The following DOCK1 variants were observed in gnomAD, a reference collection of about 807,000 sequenced individuals.
DOCK1 encodes the protein dedicator of cytokinesis 1.
In DOCK1, 138 loss-of-function variants were observed where a neutral mutation model predicts 262.7. The ratio of observed to expected loss-of-function variants is 0.53; its 90% CI spans 0.46 to 0.61. DOCK1 has a LOEUF of 0.61. Among genes scored for constraint, DOCK1 ranks in the 20% least tolerant of loss-of-function variants. The pLI is 0.00. For missense variants in DOCK1, 1,908 were observed against 2,370.7 expected (o/e 0.80, Z 4.05); for synonymous variants, 866 against 867.4 (o/e 1.00, Z 0.03).
At chr10:127,361,106 CTTTTTTTTTT>C (rs1175942298) in intron 32 of DOCK1, among the ~76,000 whole-genome samples, 1 of 87,432 alleles carries the variant, frequency 1.1e-5, no homozygotes, top group East Asian at 3.7e-4. Flanking sequence ...TAAAGTAGTT[CTTTTTTTTTT>C]TTTTTTTTTT....
chr10:127,187,779 A>G (rs994582085), intron 27 of DOCK1, among the ~76,000 whole-genome samples: 5 of 151,726 alleles, frequency 3.3e-5, no homozygotes, highest in Non-Finnish European at 7.4e-5. Context: ...AAGAGAGAGA[A>G]AAGCAAGCAA....
chr10:127,444,851 C>A (rs542837500), intron 50 of DOCK1, among the ~76,000 whole-genome samples: 1 of 152,060 alleles, frequency 6.6e-6, no homozygotes, highest in African/African-American at 2.4e-5. Flanking sequence ...TGTCCCGGGC[C>A]TCCCTCCAGC....
At chr10:127,135,252 C>T (rs1440516492) in intron 27 of DOCK1, among the ~76,000 whole-genome samples, 1 of 152,338 alleles carries the variant, frequency 6.6e-6, no homozygotes, top group East Asian at 1.9e-4. Flanking sequence ...CTTCCCTCCC[C>T]AAGCCAGGCC....
chr10:127,360,816 T>G (rs1354960341), intron 32 of DOCK1, among the ~76,000 whole-genome samples: 1 of 152,116 alleles, frequency 6.6e-6, no homozygotes, highest in Non-Finnish European at 1.5e-5. Context: ...CAGACCCAGG[T>G]TCAAATCCTG....
chr10:127,152,157 A>G (rs959231854), intron 27 of DOCK1, among the ~76,000 whole-genome samples: 3 of 152,164 alleles, frequency 2.0e-5, no homozygotes, highest in Non-Finnish European at 4.4e-5. Context: ...TTCCAAACTA[A>G]CAGAAGCTGA....
chr10:127,336,596 G>C (rs1421022556), intron 29 of DOCK1, among the ~76,000 whole-genome samples: 1 of 150,530 alleles, frequency 6.6e-6, no homozygotes, highest in Non-Finnish European at 1.5e-5. Context: ...CTGGAGTGCA[G>C]TGGCGCAATC....
rs111338128 is a variant in DOCK1 at position 127,397,610 on chromosome 10, T to C, written c.3928-5445T>C. On this transcript the variant is annotated intron_variant, in intron 38 of 51. Transcript: ENST00000623213. Reference sequence around the variant, plus strand: ...CTGAGCATGAGTTACACGGGCAGCGTCTCCTATGTGATCTGAGCATGAGTT... The same window carrying C: ...CTGAGCATGAGTTACACGGGCAGCGCCTCCTATGTGATCTGAGCATGAGTT... Among the ~76,000 whole-genome samples, 919 of 144,862 alleles carry C rather than the reference T, an allele frequency of 6.3e-3. 11 individuals carry two copies. Among genetic ancestry groups the C allele is most frequent in the African/African-American group, 0.022 (879 of 39,092 alleles).
chr10:127,429,768 G>A (rs1887096), intron 47 of DOCK1, among the ~76,000 whole-genome samples: 19,377 of 152,186 alleles, frequency 0.13, 2,631 homozygotes, highest in African/African-American at 0.34. Context: ...GGATGAGCCC[G>A]TGAGCACCTG....
chr10:127,139,137 G>A (rs945361446), intron 27 of DOCK1, among the ~76,000 whole-genome samples: 30 of 152,220 alleles, frequency 2.0e-4, no homozygotes, highest in Non-Finnish European at 3.7e-4. Flanking sequence ...TAAAGGCTCA[G>A]CGTTGATGAT....
intron 27 of DOCK1, among the ~76,000 whole-genome samples, chr10:127,172,645 A>G (rs1277483945): frequency 6.6e-6 from 1 of 152,226 alleles, no homozygotes; most frequent in African/African-American, 2.4e-5. Flanking sequence ...ATCTGAGTCC[A>G]GAGGGCTCTG....
chr10:127,063,799 A>G (rs1204996089), intron 23 of DOCK1, among the ~76,000 whole-genome samples: 1 of 152,200 alleles, frequency 6.6e-6, no homozygotes, highest in Non-Finnish European at 1.5e-5. Context: ...CCTTGAAGTC[A>G]GATTACTTAG....
At chr10:127,155,147 G>T (rs2052914353) in intron 27 of DOCK1, among the ~76,000 whole-genome samples, 1 of 152,196 alleles carries the variant, frequency 6.6e-6, no homozygotes, top group Admixed American at 6.5e-5. Context: ...TGCACAGAAG[G>T]TCTTCTGTCA....
At chr10:127,041,247 G>A (rs531499301) in intron 19 of DOCK1, among the ~76,000 whole-genome samples, 84 of 152,210 alleles carry the variant, frequency 5.5e-4, no homozygotes, top group African/African-American at 1.8e-3. Context: ...ACAAGCGTGT[G>A]CCACCATGCC....
intron 33 of DOCK1, among the ~76,000 whole-genome samples, chr10:127,373,093 C>G (rs1007522263): frequency 3.9e-5 from 6 of 152,082 alleles, no homozygotes; most frequent in Admixed American, 2.0e-4. Flanking sequence ...TTCCACCCCC[C>G]AGAATTTAGA....
At chr10:126,997,313 A>C (rs1286965696) in intron 7 of DOCK1, among the ~76,000 whole-genome samples, 1 of 152,112 alleles carries the variant, frequency 6.6e-6, no homozygotes, top group African/African-American at 2.4e-5. Context: ...TACTATAAAG[A>C]AGTGCCTGAG....
intron 29 of DOCK1, among the ~76,000 whole-genome samples, chr10:127,320,614 C>T (rs529845049): frequency 1.2e-4 from 18 of 152,148 alleles, no homozygotes; most frequent in African/African-American, 1.9e-4. Flanking sequence ...GGGACAGTGG[C>T]GAGCCTGAAA....
At chr10:127,247,385 T>G (rs1332711143) in intron 27 of DOCK1, among the ~76,000 whole-genome samples, 5 of 152,158 alleles carry the variant, frequency 3.3e-5, no homozygotes, top group Non-Finnish European at 5.9e-5. Flanking sequence ...TAACTCATTG[T>G]GGAGTTGTGG....
At position 127,248,046 on chromosome 10, in the gene DOCK1, A is replaced by C. The variant is rs1192580730; in HGVS notation, c.2886A>C (p.Gln962His). ...FVACMTAILR[Q>H]MEDYHYAHLI... The stretch of plus-strand genomic sequence containing the variant: ...CTTGCATGACAGCTATTTTACGACA[A>C]ATGGAAGATTACCATTATGCCCACT... The change falls in exon 28 of 52, where the codon CAA becomes CAC. Residue 962 changes from glutamine (Q) to histidine (H), a missense_variant. Physicochemically the swap from Gln to His is conservative, Grantham distance 24 (BLOSUM62 0). Around this residue, in one of 9 missense-constraint regions of DOCK1, gnomAD observed 518 missense variants for 575.1 expected, o/e 0.90. Transcript: ENST00000623213. 3 of 1,614,006 alleles carry C rather than the reference A, an allele frequency of 1.9e-6. No individual in the cohort carries two copies. Among genetic ancestry groups the C allele is most frequent in the Non-Finnish European group, 2.5e-6 (3 of 1,179,902 alleles).
At chr10:126,919,037 G>A (rs1326056857) in intron 1 of DOCK1, among the ~76,000 whole-genome samples, 1 of 148,648 alleles carries the variant, frequency 6.7e-6, no homozygotes, top group African/African-American at 2.5e-5. Context: ...AGATCATTAG[G>A]AGCTGGCTGT....
Sources: allele counts gnomAD v4.1 joint callset (sites outside exome capture counted in the v4.1 genomes callset), GRCh38; gene constraint gnomAD v4.1.1; regional missense constraint gnomAD v4.1.1; transcripts MANE v1.5; gene names NCBI Gene and HGNC (gene_info 2026-07-23, HGNC 2026-07-21).